Variants in CDH18 observed in about 807,000 individuals in gnomAD.
The protein encoded by CDH18 is cadherin 18.
In CDH18, 31 loss-of-function variants were observed where a neutral mutation model predicts 67.9. The ratio of observed to expected loss-of-function variants is 0.46; its 90% CI spans 0.34 to 0.62. The LOEUF is 0.62. CDH18 is among the 20% of genes least tolerant of loss of function. The probability of loss-of-function intolerance (pLI) is 0.01; values close to 1 mark genes in which losing one functional copy is unlikely to be tolerated. For synonymous variants in CDH18, 362 were observed against 347.2 expected, an observed-to-expected ratio of 1.04 and a Z score of -0.48; for missense variants, 890 against 975.5, an observed-to-expected ratio of 0.91 and a Z score of 1.17.
chr5:20,240,548 C>T (rs898035408), intron 2 of CDH18, among the ~76,000 whole-genome samples: 17 of 152,134 alleles, frequency 1.1e-4, no homozygotes, highest in Non-Finnish European at 2.1e-4. Context: ...GTTTTAAATG[C>T]ATTGCTTCAA....
intron 2 of CDH18, among the ~76,000 whole-genome samples, chr5:19,912,408 CAG>C (rs527573641): frequency 1.4e-3 from 217 of 152,168 alleles, no homozygotes; most frequent in African/African-American, 4.7e-3. Context: ...TTCTCTGAAA[CAG>C]AATCACTGTA....
intron 1 of CDH18, among the ~76,000 whole-genome samples, chr5:20,495,472 T>C (rs900738129): frequency 6.6e-6 from 1 of 152,162 alleles, no homozygotes; most frequent in Non-Finnish European, 1.5e-5. Context: ...GCTATAGTAA[T>C]GACAGCCTAT....
At chr5:20,571,526 G>A (rs942214029) in intron 1 of CDH18, among the ~76,000 whole-genome samples, 14 of 151,994 alleles carry the variant, frequency 9.2e-5, no homozygotes, top group Non-Finnish European at 1.8e-4. Flanking sequence ...ACCAGTAGAT[G>A]GGGAATGATT....
intron 2 of CDH18, among the ~76,000 whole-genome samples, chr5:20,063,242 C>A (rs1237845359): frequency 6.6e-6 from 1 of 151,008 alleles, no homozygotes; most frequent in Non-Finnish European, 1.5e-5. Flanking sequence ...ATACAATTAC[C>A]ACAGAAAAGT....
intron 1 of CDH18, among the ~76,000 whole-genome samples, chr5:20,465,535 A>G (rs905919963): frequency 6.6e-6 from 1 of 152,192 alleles, no homozygotes; most frequent in East Asian, 1.9e-4. Flanking sequence ...TAAAATTTGT[A>G]TGTTAAATAA....
chr5:20,392,511 T>A (rs566533295), intron 1 of CDH18, among the ~76,000 whole-genome samples: 22 of 151,942 alleles, frequency 1.4e-4, no homozygotes, highest in Non-Finnish European at 2.9e-4. Flanking sequence ...TAAAATTTTC[T>A]TATAACTCAC....
chr5:20,518,563 G>T (rs542942273), intron 1 of CDH18, among the ~76,000 whole-genome samples: 1 of 152,100 alleles, frequency 6.6e-6, no homozygotes, highest in African/African-American at 2.4e-5. Flanking sequence ...GACACGTGGC[G>T]TTTCAATGGA....
chr5:19,856,987 C>T (rs1784367224), intron 2 of CDH18, among the ~76,000 whole-genome samples: 4 of 152,070 alleles, frequency 2.6e-5, no homozygotes, highest in South Asian at 4.1e-4. Context: ...CTTTGGAAGG[C>T]TGAGGCAGAA....
intron 2 of CDH18, among the ~76,000 whole-genome samples, chr5:20,165,481 G>A (rs916549383): frequency 6.6e-6 from 1 of 152,044 alleles, no homozygotes; most frequent in African/African-American, 2.4e-5. Context: ...AAGAGTCAAT[G>A]AAGAAAATAT....
intron 1 of CDH18, among the ~76,000 whole-genome samples, chr5:20,501,547 TATATATATAATATATATATATA>T (rs1754279986): frequency 1.8e-5 from 1 of 55,238 alleles, no homozygotes; most frequent in Non-Finnish European, 3.1e-5. Context: ...ATATACATAT[TATATATATAATATATATATATA>T]ATATATATAT....
At chr5:19,547,826 A>G (rs1736609847) in intron 8 of CDH18, among the ~76,000 whole-genome samples, 1 of 152,154 alleles carries the variant, frequency 6.6e-6, no homozygotes, top group Non-Finnish European at 1.5e-5. Flanking sequence ...CTTATTCACG[A>G]AGTTGCAATT....
At chr5:20,454,298 T>C (rs1444387384) in intron 1 of CDH18, among the ~76,000 whole-genome samples, 1 of 152,126 alleles carries the variant, frequency 6.6e-6, no homozygotes, top group Non-Finnish European at 1.5e-5. Flanking sequence ...TTATATTTAT[T>C]TCTGGAAAGG....
At chr5:20,485,535 T>TAA (rs1276969951) in intron 1 of CDH18, among the ~76,000 whole-genome samples, 2 of 152,184 alleles carry the variant, frequency 1.3e-5, no homozygotes, top group East Asian at 3.8e-4. Flanking sequence ...TATGTGTATA[T>TAA]GGCTGTGCAG....
intron 11 of CDH18, among the ~76,000 whole-genome samples, chr5:19,499,082 G>A (rs1342282052): frequency 6.6e-6 from 1 of 152,174 alleles, no homozygotes; most frequent in Admixed American, 6.6e-5. Flanking sequence ...TTACATGCAC[G>A]TTGGTTGAAT....
chr5:19,827,074 G>A (rs1780489051), intron 3 of CDH18, among the ~76,000 whole-genome samples: 1 of 151,970 alleles, frequency 6.6e-6, no homozygotes, highest in African/African-American at 2.4e-5. Context: ...AAAAGTGAGG[G>A]TTGTTATTGT....
intron 1 of CDH18, among the ~76,000 whole-genome samples, chr5:20,434,482 C>G (rs1481917890): frequency 6.6e-6 from 1 of 151,784 alleles, no homozygotes; most frequent in Non-Finnish European, 1.5e-5. Flanking sequence ...TTGAATAAAA[C>G]GTATTGTGTG....
chr5:20,345,908 A>C (rs1740661222), intron 1 of CDH18, among the ~76,000 whole-genome samples: 1 of 152,168 alleles, frequency 6.6e-6, no homozygotes, highest in Non-Finnish European at 1.5e-5. Flanking sequence ...TCTCCTTTGG[A>C]ATGTCACAAA....
At chr5:19,541,350 A>AT (rs892877181) in intron 9 of CDH18, among the ~76,000 whole-genome samples, 15 of 151,384 alleles carry the variant, frequency 9.9e-5, no homozygotes, top group Admixed American at 2.0e-4. Flanking sequence ...ACTTTCCCAC[A>AT]TTTTTTTTAT....
intron 1 of CDH18, among the ~76,000 whole-genome samples, chr5:20,470,411 A>T (rs1462221312): frequency 6.6e-6 from 1 of 152,166 alleles, no homozygotes; most frequent in Non-Finnish European, 1.5e-5. Context: ...AATCCTCTTT[A>T]ATCTTTAAGG....
Sources: allele counts gnomAD v4.1 joint callset (sites outside exome capture counted in the v4.1 genomes callset), GRCh38; gene constraint gnomAD v4.1.1; transcripts MANE v1.5; gene names NCBI Gene and HGNC (gene_info 2026-07-23, HGNC 2026-07-21).